Variants in OCA2 observed in about 807,000 individuals in gnomAD.
OCA2 encodes the protein OCA2 melanosomal transmembrane protein.
Under a neutral mutation model 100.2 loss-of-function variants are expected in OCA2, and 77 were observed. The ratio of observed to expected loss-of-function variants is 0.77; its 90% confidence interval spans 0.64 to 0.93. The LOEUF is 0.93. Ranked by LOEUF, OCA2 falls within the 40% of genes least tolerant of loss-of-function variation. The pLI, the probability that OCA2 is intolerant of heterozygous loss-of-function variation, is 0.00. For missense variants in OCA2, 1,062 were observed against 1,089.1 expected, an observed-to-expected ratio of 0.98 and a Z score of 0.35; for synonymous variants, 432 against 439.2, an observed-to-expected ratio of 0.98 and a Z score of 0.21.
intron 1 of OCA2, among the ~76,000 whole-genome samples, chr15:28,085,324 G>A (rs975477078): frequency 6.6e-5 from 10 of 152,048 alleles, no homozygotes; most frequent in Non-Finnish European, 1.0e-4. Context: ...TGAATCAGCC[G>A]GGGTCCAAGA....
chr15:27,941,314 C>T (rs2594937), intron 18 of OCA2, among the ~76,000 whole-genome samples: 73,745 of 152,054 alleles, frequency 0.48, 21,701 homozygotes, highest in East Asian at 0.8. Flanking sequence ...CTCACAGATA[C>T]TTTTATTCAA....
intron 21 of OCA2, among the ~76,000 whole-genome samples, chr15:27,867,360 T>A (rs2036365579): frequency 6.6e-6 from 1 of 152,238 alleles, no homozygotes; most frequent in South Asian, 2.1e-4. Flanking sequence ...ATGATGGTAC[T>A]TAGTTCAAGT....
chr15:27,770,326 G>T (rs1057508202), intron 23 of OCA2, among the ~76,000 whole-genome samples: 7 of 152,166 alleles, frequency 4.6e-5, no homozygotes. Flanking sequence ...GGCCAGGGAC[G>T]GGCAACGCGG....
chr15:28,064,864 T>A (rs112034338), intron 2 of OCA2, among the ~76,000 whole-genome samples: 5,220 of 150,402 alleles, frequency 0.035, 298 homozygotes, highest in African/African-American at 0.12. Flanking sequence ...GGTTTTTTTT[T>A]TTATTATTAT....
intron 23 of OCA2, among the ~76,000 whole-genome samples, chr15:27,820,635 T>C (rs1393139354): frequency 6.6e-6 from 1 of 152,194 alleles, no homozygotes; most frequent in African/African-American, 2.4e-5. Flanking sequence ...GATGGGGTCC[T>C]GGAACAGAAA....
At chr15:28,062,731 A>T (rs991833487) in intron 2 of OCA2, among the ~76,000 whole-genome samples, 2 of 152,198 alleles carry the variant, frequency 1.3e-5, no homozygotes, top group Non-Finnish European at 2.9e-5. Context: ...TAATTTTTGT[A>T]TATGATGTGA....
At chr15:27,794,704 T>C (rs1017628899) in intron 23 of OCA2, among the ~76,000 whole-genome samples, 3 of 152,138 alleles carry the variant, frequency 2.0e-5, no homozygotes, top group African/African-American at 7.2e-5. Context: ...TCCCAAATGA[T>C]GGTGTAGAGA....
At chr15:27,782,141 G>A (rs540896159) in intron 23 of OCA2, among the ~76,000 whole-genome samples, 16 of 152,130 alleles carry the variant, frequency 1.1e-4, no homozygotes, top group East Asian at 1.9e-4. Context: ...CTAAATGTTC[G>A]TATGTATATA....
chr15:27,832,830 A>ATTTTTTT (rs112415796), intron 23 of OCA2, among the ~76,000 whole-genome samples: 3 of 135,742 alleles, frequency 2.2e-5, no homozygotes, highest in Non-Finnish European at 1.6e-5. Flanking sequence ...TAAATATCTG[A>ATTTTTTT]TTTTTTTTTT....
intron 9 of OCA2, among the ~76,000 whole-genome samples, chr15:27,993,301 T>C (rs967264047): frequency 2.6e-5 from 4 of 152,156 alleles, no homozygotes; most frequent in African/African-American, 9.7e-5. Flanking sequence ...AGAACTATGA[T>C]AATCCACTTT....
chr15:27,771,097 C>CCTTCCTTCCTTCCCTTTTCTTCTTT (rs2031805898), intron 23 of OCA2, among the ~76,000 whole-genome samples: 1 of 149,712 alleles, frequency 6.7e-6, no homozygotes, highest in African/African-American at 2.5e-5. Flanking sequence ...TTTTCTCCCT[C>CCTTCCTTCCTTCCCTTTTCTTCTTT]CATTTTTTGC....
intron 2 of OCA2, among the ~76,000 whole-genome samples, chr15:28,066,719 G>T (rs2044035809): frequency 1.3e-5 from 2 of 152,142 alleles, no homozygotes; most frequent in African/African-American, 4.8e-5. Flanking sequence ...TGATCCTGAA[G>T]AGATTAGCTG....
At chr15:27,953,596 T>C (rs1474607451) in intron 17 of OCA2, among the ~76,000 whole-genome samples, 1 of 152,168 alleles carries the variant, frequency 6.6e-6, no homozygotes, top group African/African-American at 2.4e-5. Context: ...AAAGTGGCTA[T>C]TGCCACAGCC....
At chr15:27,963,807 T>A (rs2040480228) in intron 15 of OCA2, among the ~76,000 whole-genome samples, 1 of 151,974 alleles carries the variant, frequency 6.6e-6, no homozygotes, top group South Asian at 2.1e-4. Flanking sequence ...GAGAAAAATC[T>A]ATATAATCAA....
intron 8 of OCA2, 140 bp from the exon 9 acceptor site, chr15:28,015,069 G>T: frequency 1.1e-6 from 1 of 909,238 alleles, no homozygotes; most frequent in Non-Finnish European, 1.7e-6. Flanking sequence ...AGAGCAGTGA[G>T]CACAGGCCAG....
chr15:28,001,583 T>C (rs893926492), intron 9 of OCA2, among the ~76,000 whole-genome samples: 1 of 152,080 alleles, frequency 6.6e-6, no homozygotes, highest in African/African-American at 2.4e-5. Flanking sequence ...AAAACACATA[T>C]TTTTCTTTCC....
chr15:28,092,576 C>T (rs1253636402), intron 1 of OCA2, among the ~76,000 whole-genome samples: 1 of 152,180 alleles, frequency 6.6e-6, no homozygotes, highest in Non-Finnish European at 1.5e-5. Context: ...TGGTCTCAAA[C>T]TCCTGGGATC....
At chr15:27,898,371 G>GA (rs1451808403) in intron 19 of OCA2, among the ~76,000 whole-genome samples, 1 of 152,176 alleles carries the variant, frequency 6.6e-6, no homozygotes, top group Non-Finnish European at 1.5e-5. Context: ...ATGGGGATGG[G>GA]ACTCTCCTGC....
chr15:27,858,140 A>G (rs1299858465), intron 21 of OCA2, among the ~76,000 whole-genome samples: 1 of 152,184 alleles, frequency 6.6e-6, no homozygotes, highest in Non-Finnish European at 1.5e-5. Context: ...TAAATGGATT[A>G]AACTCTCCTG....
Sources: gnomAD v4.1 joint callset for allele counts (sites outside exome capture counted in the v4.1 genomes callset) on GRCh38, gnomAD v4.1.1 for gene constraint, MANE v1.5 for transcripts, NCBI Gene and HGNC (gene_info 2026-07-23, HGNC 2026-07-21) for gene names.